Variants in PTPN2 observed in about 807,000 individuals in gnomAD.
PTPN2 encodes the protein tyrosine-protein phosphatase non-receptor type 2.
In PTPN2, 19 loss-of-function variants were observed where a neutral mutation model predicts 57.3. The observed-to-expected ratio is 0.33, with a 90% CI of 0.23 to 0.49. The LOEUF is 0.49. Among genes scored for constraint, PTPN2 ranks in the 20% least tolerant of loss-of-function variants. The probability of loss-of-function intolerance (pLI) is 0.99; values close to 1 mark genes in which losing one functional copy is unlikely to be tolerated. For missense variants in PTPN2, 358 were observed against 501.1 expected (o/e 0.71, Z 2.73); for synonymous variants, 153 against 164.9 (o/e 0.93, Z 0.55).
At chr18:12,812,225 G>C (rs1199746497) in intron 7 of PTPN2, among the ~76,000 whole-genome samples, 2 of 152,208 alleles carry the variant, frequency 1.3e-5, no homozygotes, top group African/African-American at 4.8e-5. Flanking sequence ...TATGTCTATA[G>C]GAATGTCAAA....
At chr18:12,852,191 AACACACACACACACACACAC>A (rs139964591) in intron 2 of PTPN2, among the ~76,000 whole-genome samples, 3 of 140,410 alleles carry the variant, frequency 2.1e-5, no homozygotes, top group African/African-American at 7.9e-5. Context: ...ATGGGTTTTT[AACACACACACACACACACAC>A]ACACACACAC....
At chr18:12,880,994 C>A (rs1274513937) in intron 1 of PTPN2, among the ~76,000 whole-genome samples, 2 of 152,330 alleles carry the variant, frequency 1.3e-5, no homozygotes, top group East Asian at 3.9e-4. Flanking sequence ...CATTTCAAAT[C>A]TGTATCTCCC....
intron 1 of PTPN2, among the ~76,000 whole-genome samples, chr18:12,860,117 G>A (rs191883172): frequency 1.4e-4 from 22 of 152,008 alleles, no homozygotes; most frequent in Admixed American, 4.6e-4. Flanking sequence ...GCGAAACCCC[G>A]TCTCTACTAA....
chr18:12,845,656 T>C (rs1056761634), intron 2 of PTPN2, among the ~76,000 whole-genome samples: 2 of 152,226 alleles, frequency 1.3e-5, no homozygotes, highest in African/African-American at 4.8e-5. Context: ...TTCCAACCTG[T>C]ATGCCTTTTA....
chr18:12,870,102 ACT>A (rs1205062985), intron 1 of PTPN2, among the ~76,000 whole-genome samples: 1 of 150,600 alleles, frequency 6.6e-6, no homozygotes, highest in African/African-American at 2.5e-5. Context: ...AAAACAGCTC[ACT>A]GTCACTGAAC....
intron 1 of PTPN2, among the ~76,000 whole-genome samples, chr18:12,869,515 C>T (rs1391124033): frequency 2.0e-5 from 3 of 151,232 alleles, no homozygotes; most frequent in Admixed American, 2.0e-4. Context: ...CCATCATTAT[C>T]GGGGTGAAAT....
intron 5 of PTPN2, 131 bp from the exon 6 acceptor site, chr18:12,817,496 G>T: frequency 1.4e-6 from 1 of 704,950 alleles, no homozygotes; most frequent in Non-Finnish European, 2.4e-6. Context: ...TTTTCCATTT[G>T]TTTTCTGACA....
intron 2 of PTPN2, among the ~76,000 whole-genome samples, chr18:12,842,888 C>G (rs1348402702): frequency 6.6e-6 from 1 of 152,198 alleles, no homozygotes; most frequent in Non-Finnish European, 1.5e-5. Context: ...ATTCCTACAC[C>G]TGCTAGAATT....
intron 1 of PTPN2, among the ~76,000 whole-genome samples, chr18:12,882,717 A>G (rs920097389): frequency 3.9e-5 from 6 of 152,260 alleles, no homozygotes; most frequent in Admixed American, 6.5e-5. Context: ...CATACTCTGT[A>G]TCATGGGAAT....
intron 3 of PTPN2, among the ~76,000 whole-genome samples, chr18:12,831,766 G>A (rs988423454): frequency 3.9e-5 from 6 of 152,192 alleles, no homozygotes; most frequent in African/African-American, 1.4e-4. Flanking sequence ...CTCAATGGAA[G>A]AGTATTGGGC....
intron 2 of PTPN2, among the ~76,000 whole-genome samples, chr18:12,838,480 T>C (rs1017358778): frequency 2.6e-5 from 4 of 152,170 alleles, no homozygotes; most frequent in East Asian, 1.9e-4. Context: ...ATCTGTAAAA[T>C]ATGCACGAGG....
rs1378109141 is a variant in PTPN2, at chr18:12,854,412, T to C, written c.160+4752A>G. On this transcript the variant is annotated intron_variant, in intron 2 of 8. Coordinates refer to ENST00000309660, the MANE Select transcript of PTPN2 (RefSeq NM_002828.4). ...AAGAAATAGGAATACATCATGGAAA[T>C]GGAAATTAGTATTAGTGACGTGGGA... Among the ~76,000 whole-genome samples the C allele has an allele frequency of 2.2e-5, 3 of 137,424 alleles. No individual in the cohort carries two copies. The East Asian group carries it at 6.4e-4, about 29-fold the overall frequency. 90.2% of individuals were successfully genotyped at this position (137,424 alleles called of 152,430 possible). A position where few individuals can be genotyped will look rare whatever the true frequency, so the allele number is the denominator to read the frequency against.
At position 12,794,197 on chromosome 18, in the gene PTPN2, C is replaced by G; in HGVS notation, c.*81G>C. 6.3e-7 allele frequency: 1 copy of G among 1,575,008 alleles called. No individual in the cohort carries two copies. Among genetic ancestry groups the G allele is most frequent in the Non-Finnish European group, 8.6e-7 (1 of 1,163,856 alleles). On this transcript the variant is annotated 3_prime_UTR_variant, in exon 9 of 9. Transcript: ENST00000309660. ...ACTGCACCGTTTTTGGGATATGAGG[C>G]GTTTGCTGCAGACAAACCCCTATGA...
At chr18:12,876,945 A>G (rs1002646118) in intron 1 of PTPN2, among the ~76,000 whole-genome samples, 22 of 152,240 alleles carry the variant, frequency 1.4e-4, no homozygotes, top group Non-Finnish European at 2.9e-4. Flanking sequence ...CAAATAGATC[A>G]TAAGAAGAAA....
Position 12,874,001 on chromosome 18 carries a change from C to T in PTPN2, c.69+10072G>A, listed in dbSNP as rs578252981. Among the ~76,000 whole-genome samples the T allele has an allele frequency of 1.4e-4, 21 of 150,956 alleles. No homozygotes were observed. The South Asian group carries it at 4.4e-3, about 32-fold the overall frequency. ...CGCCCCATCTGAGAAGGGAGGAGAC[C>T]CTCCACCTGGCAACCGCCCCGTCTG... is the stretch of plus-strand genomic sequence containing the variant. On this transcript the variant is annotated intron_variant, in intron 1 of 8. Coordinates refer to ENST00000309660, the MANE Select transcript of PTPN2 (RefSeq NM_002828.4).
intron 2 of PTPN2, among the ~76,000 whole-genome samples, chr18:12,842,155 C>T (rs2043066573): frequency 6.6e-6 from 1 of 152,174 alleles, no homozygotes; most frequent in South Asian, 2.1e-4. Context: ...ATCCACCTGC[C>T]TCGGCCTCCC....
At chr18:12,840,853 C>T (rs1017383330) in intron 2 of PTPN2, 6 of 1,592,450 alleles carry the variant, frequency 3.8e-6, no homozygotes, top group Non-Finnish European at 5.1e-6. Context: ...CAACTCCTCT[C>T]TCACATAAAC....
intron 2 of PTPN2, among the ~76,000 whole-genome samples, chr18:12,845,775 C>T (rs2043186189): frequency 6.6e-6 from 1 of 152,092 alleles, no homozygotes; most frequent in African/African-American, 2.4e-5. Context: ...AAATTCCAAG[C>T]ACAAAGAATT....
At chr18:12,845,915 C>T (rs2043189993) in intron 2 of PTPN2, among the ~76,000 whole-genome samples, 1 of 152,142 alleles carries the variant, frequency 6.6e-6, no homozygotes, top group Non-Finnish European at 1.5e-5. Context: ...TGATACTTTA[C>T]TAACCCAGAC....
Sources: allele counts gnomAD v4.1 joint callset (sites outside exome capture counted in the v4.1 genomes callset), GRCh38; gene constraint gnomAD v4.1.1; transcripts MANE v1.5; gene names NCBI Gene and HGNC (gene_info 2026-07-23, HGNC 2026-07-21).